Variants in SGCD observed in about 807,000 individuals in gnomAD.
The protein encoded by SGCD is delta-sarcoglycan.
In SGCD, 18 loss-of-function variants were observed where a neutral mutation model predicts 36.6. The ratio of observed to expected loss-of-function variants is 0.49; its 90% confidence interval spans 0.34 to 0.73. SGCD has a LOEUF of 0.73. Ranked by LOEUF, SGCD falls within the 30% of genes least tolerant of loss-of-function variation. The pLI is 0.01. For synonymous variants in SGCD, 133 were observed against 130.6 expected, an observed-to-expected ratio of 1.02 and a Z score of -0.12; for missense variants, 387 against 346.7, an observed-to-expected ratio of 1.12 and a Z score of -0.92.
At chr5:156,690,614 TAA>T (rs1004639447) in intron 7 of SGCD, among the ~76,000 whole-genome samples, 91 of 152,104 alleles carry the variant, frequency 6.0e-4, no homozygotes, top group African/African-American at 2.2e-3. Flanking sequence ...GCCATAATAA[TAA>T]AAGTTATTGT....
At chr5:155,818,296 C>T in the SGCD span, among the ~76,000 whole-genome samples, 1 of 151,960 alleles carries the variant, frequency 6.6e-6, no homozygotes, top group African/African-American at 2.4e-5. Flanking sequence ...TAGTAGGCAG[C>T]ATTCAGGGTT....
chr5:155,978,503 G>A (rs1406230337), intron 1 of SGCD, among the ~76,000 whole-genome samples: 1 of 152,244 alleles, frequency 6.6e-6, no homozygotes, highest in East Asian at 1.9e-4. Context: ...TTGCCTTTAG[G>A]CAGGAAAGAT....
upstream of SGCD, among the ~76,000 whole-genome samples, chr5:156,324,773 G>A (rs1258603995): frequency 6.6e-6 from 1 of 151,756 alleles, no homozygotes; most frequent in East Asian, 1.9e-4. Context: ...AAAAGAAGCA[G>A]GGCATAAAAC....
chr5:156,703,383 T>A (rs201799328), intron 7 of SGCD, among the ~76,000 whole-genome samples: 3,890 of 139,898 alleles, frequency 0.028, 158 homozygotes, highest in East Asian at 0.18. Flanking sequence ...TATTTATTTC[T>A]TTTTTTTTTT....
chr5:156,042,168 A>G (rs1260984439), intron 1 of SGCD, among the ~76,000 whole-genome samples: 1 of 149,978 alleles, frequency 6.7e-6, no homozygotes, highest in Non-Finnish European at 1.5e-5. Context: ...TTTTGAATTT[A>G]TAAGTAATTA....
chr5:156,512,021 C>T (rs892741134), intron 4 of SGCD, among the ~76,000 whole-genome samples: 2 of 152,052 alleles, frequency 1.3e-5, no homozygotes, highest in African/African-American at 4.8e-5. Context: ...TGGTGCAACC[C>T]TGTCTCTACT....
At chr5:155,925,003 T>G (rs953399308) in intron 1 of SGCD, among the ~76,000 whole-genome samples, 1 of 152,134 alleles carries the variant, frequency 6.6e-6, no homozygotes, top group Non-Finnish European at 1.5e-5. Context: ...CATGACCGAA[T>G]TTTTTACTTG....
chr5:156,191,880 G>T (rs559093404), intron 3 of SGCD, among the ~76,000 whole-genome samples: 2 of 152,216 alleles, frequency 1.3e-5, no homozygotes, highest in Non-Finnish European at 2.9e-5. Context: ...TCCCTAGTTA[G>T]GTTTCATCTG....
chr5:156,572,840 A>G (rs1189058436), intron 4 of SGCD, among the ~76,000 whole-genome samples: 1 of 152,156 alleles, frequency 6.6e-6, no homozygotes, highest in Non-Finnish European at 1.5e-5. Context: ...AGAGTGGAGA[A>G]TATATGTGCT....
intron 1 of SGCD, among the ~76,000 whole-genome samples, chr5:155,954,343 G>T (rs1757604247): frequency 1.3e-5 from 2 of 152,240 alleles, no homozygotes; most frequent in South Asian, 4.1e-4. Context: ...TGAATTAATT[G>T]CAGAAGTATG....
rs17559915 is a variant in SGCD, at chr5:156,570,382, A to C, written c.295-18849A>C. Reference sequence around the variant, plus strand: ...TCAGGGTGTCCACATTCTTGCTATTATTTGGTCAGCAGAATCTATCATTTT... The same window carrying C: ...TCAGGGTGTCCACATTCTTGCTATTCTTTGGTCAGCAGAATCTATCATTTT... On this transcript the variant is annotated intron_variant, in intron 4 of 8. Transcript: ENST00000337851. Among the ~76,000 whole-genome samples the C allele has an allele frequency of 7.6e-3, 1,157 of 152,310 alleles. 10 individuals carry two copies. Among genetic ancestry groups the C allele is most frequent in the Non-Finnish European group, 0.011 (779 of 68,018 alleles).
the SGCD span, among the ~76,000 whole-genome samples, chr5:155,728,102 G>C: frequency 6.6e-6 from 1 of 152,148 alleles, no homozygotes; most frequent in Non-Finnish European, 1.5e-5. Context: ...AGCTGCAGAC[G>C]AGGAGCCCCG....
intron 3 of SGCD, among the ~76,000 whole-genome samples, chr5:156,289,737 G>T (rs182554630): frequency 6.6e-6 from 1 of 151,804 alleles, no homozygotes. Flanking sequence ...CAGGCTAGTC[G>T]CTAACCCCTC....
chr5:156,103,337 T>A (rs984181154), intron 1 of SGCD, among the ~76,000 whole-genome samples: 5 of 124,150 alleles, frequency 4.0e-5, no homozygotes, highest in Non-Finnish European at 8.4e-5. Flanking sequence ...ATGATGGTGA[T>A]GAATTACTTT....
At chr5:156,577,340 G>C (rs1165725277) in intron 4 of SGCD, among the ~76,000 whole-genome samples, 1 of 152,190 alleles carries the variant, frequency 6.6e-6, no homozygotes, top group Non-Finnish European at 1.5e-5. Context: ...ATGGTTTGAA[G>C]TCAGGTAAAG....
At chr5:156,730,522 C>T (rs1756005757) in intron 7 of SGCD, among the ~76,000 whole-genome samples, 1 of 152,118 alleles carries the variant, frequency 6.6e-6, no homozygotes, top group Non-Finnish European at 1.5e-5. Flanking sequence ...TAATGACCTC[C>T]AGCTCCATCC....
intron 3 of SGCD, among the ~76,000 whole-genome samples, chr5:156,504,429 A>G (rs931199913): frequency 8.1e-6 from 1 of 123,272 alleles, no homozygotes; most frequent in African/African-American, 3.3e-5. Context: ...TATATATGTC[A>G]ATGTGTATAT....
intron 6 of SGCD, among the ~76,000 whole-genome samples, chr5:156,617,831 G>T (rs1399071000): frequency 6.6e-6 from 1 of 151,716 alleles, no homozygotes; most frequent in Non-Finnish European, 1.5e-5. Flanking sequence ...AGAAGTCCAG[G>T]GCCCTATCCC....
chr5:156,028,592 T>C (rs184060409), intron 1 of SGCD, among the ~76,000 whole-genome samples: 3 of 152,166 alleles, frequency 2.0e-5, no homozygotes, highest in Non-Finnish European at 4.4e-5. Flanking sequence ...TGGTCAATAA[T>C]TGCTTGCTAT....
Sources: allele counts gnomAD v4.1 joint callset (sites outside exome capture counted in the v4.1 genomes callset), GRCh38; gene constraint gnomAD v4.1.1; transcripts MANE v1.5; gene names NCBI Gene and HGNC (gene_info 2026-07-23, HGNC 2026-07-21).